The following HDAC9 variants were observed in gnomAD, a reference collection of about 807,000 sequenced individuals.
The protein encoded by HDAC9 is MEF-2 interacting transcription repressor (MITR) protein.
HDAC9 carries 41 observed loss-of-function variants against 139.4 expected under a neutral mutation model. That is an observed-to-expected ratio of 0.29 (90% CI 0.23 to 0.38). The LOEUF is 0.38. Among genes scored for constraint, HDAC9 ranks in the 10% least tolerant of loss-of-function variants. The pLI, the probability that HDAC9 is intolerant of heterozygous loss-of-function variation, is 1.00. For synonymous variants in HDAC9, 517 were observed against 476.2 expected (o/e 1.09, Z -1.12); for missense variants, 1,147 against 1,297.0 (o/e 0.88, Z 1.78).
intron 24 of HDAC9, among the ~76,000 whole-genome samples, chr7:18,972,580 C>T (rs539312046): frequency 6.6e-6 from 1 of 151,900 alleles, no homozygotes; most frequent in Non-Finnish European, 1.5e-5. Flanking sequence ...GGGATTTCAC[C>T]GTGTTGGCCA....
At chr7:18,884,573 G>T (rs1459732876) in intron 22 of HDAC9, among the ~76,000 whole-genome samples, 1 of 152,124 alleles carries the variant, frequency 6.6e-6, no homozygotes, top group East Asian at 1.9e-4. Flanking sequence ...TTATGTGTAA[G>T]ACCTGAAATT....
rs1483739873 is a variant in HDAC9 at position 18,996,031 on chromosome 7, G to T, written c.3179G>T (p.Gly1060Val). Residue 1060 changes from glycine (G) to valine (V), a missense_variant, in exon 26 of 26, where the codon GGT becomes GTT. By Grantham distance (109) the Gly-to-Val change is moderately radical. Coordinates refer to ENST00000686413, the MANE Select transcript of HDAC9 (RefSeq NM_178425.4). ...PFAQEDSRTA[G>V]EPMEEEPAL is the part of the protein sequence containing the mutation. ...CCTGTTTATTTTTACAGAACTGCTGGTGAGCCTATGGAAGAGGAGCCAGCC... is the reference window on the plus strand; with the variant it reads ...CCTGTTTATTTTTACAGAACTGCTGTTGAGCCTATGGAAGAGGAGCCAGCC... The T allele has an allele frequency of 1.1e-5, 18 of 1,603,440 alleles. No homozygotes were observed. The highest frequency in any genetic ancestry group is 1.5e-5 in the Non-Finnish European group (18 of 1,175,026).
chr7:18,198,960 G>A (rs1030323387), intron 2 of HDAC9, among the ~76,000 whole-genome samples: 13 of 151,982 alleles, frequency 8.6e-5, no homozygotes, highest in African/African-American at 2.9e-4. Flanking sequence ...TCACTTTCTG[G>A]TATGCAGGGG....
Position 18,628,554 on chromosome 7 carries a change from A to G in HDAC9, c.665-796A>G, listed in dbSNP as rs564775634. ...TCCAATGTTTCCATTCTTCTAAAGT[A>G]TAATTATTTTGAAATAAGTGGTATT... On this transcript the variant is annotated intron_variant, in intron 6 of 25. Transcript: ENST00000686413. 2.6e-5 allele frequency among the ~76,000 whole-genome samples: 4 copies of G among 152,342 alleles called. No homozygotes were observed. The East Asian group carries it at 7.7e-4, about 29-fold the overall frequency.
intron 12 of HDAC9, among the ~76,000 whole-genome samples, chr7:18,702,204 C>A (rs1053694397): frequency 5.3e-5 from 8 of 152,154 alleles, no homozygotes; most frequent in African/African-American, 1.9e-4. Flanking sequence ...GCTCCTCTCT[C>A]CAATTTCCCT....
At position 18,459,944 on chromosome 7, in the gene HDAC9, C is replaced by CTT. The variant is rs773866817; in HGVS notation, c.-41-36303_-41-36302dup. Among the ~76,000 whole-genome samples the CTT allele has an allele frequency of 4.3e-3, 561 of 129,336 alleles. 6 individuals carry two copies. Among genetic ancestry groups the CTT allele is most frequent in the African/African-American group, 0.014 (481 of 35,346 alleles). 84.8% of individuals were successfully genotyped at this position (129,336 alleles called of 152,430 possible). On this transcript the variant is annotated intron_variant, in intron 1 of 3. Coordinates refer to the HDAC9 transcript ENST00000413509. ...TTGGAAATGTTAGCCTACAGATTTGCTTTTTTTTTTTTTTTTCGAGACAGA... is the reference window on the plus strand; with the variant it reads ...TTGGAAATGTTAGCCTACAGATTTGCTTTTTTTTTTTTTTTTTTCGAGACAGA...
intron 2 of HDAC9, among the ~76,000 whole-genome samples, chr7:18,271,031 C>T (rs1433827985): frequency 6.6e-6 from 1 of 152,070 alleles, no homozygotes; most frequent in Non-Finnish European, 1.5e-5. Context: ...TATTTAGTAA[C>T]TACTATATGG....
At chr7:18,100,474 T>A (rs1334062721) in intron 1 of HDAC9, among the ~76,000 whole-genome samples, 1 of 152,160 alleles carries the variant, frequency 6.6e-6, no homozygotes, top group African/African-American at 2.4e-5. Context: ...GTTTGTTTAT[T>A]TTTATTTTTT....
intron 17 of HDAC9, among the ~76,000 whole-genome samples, chr7:18,823,034 A>G (rs56874064): frequency 0.025 from 3,790 of 152,264 alleles, 156 homozygotes; most frequent in African/African-American, 0.087. Context: ...TTCTGATGGA[A>G]ATAACCCAAT....
intron 17 of HDAC9, among the ~76,000 whole-genome samples, chr7:18,821,282 G>A (rs1794949529): frequency 6.6e-6 from 1 of 152,182 alleles, no homozygotes; most frequent in African/African-American, 2.4e-5. Context: ...ATTTTGGAGG[G>A]AACACATTTA....
At chr7:18,834,576 G>A (rs982430602) in intron 19 of HDAC9, among the ~76,000 whole-genome samples, 5 of 150,016 alleles carry the variant, frequency 3.3e-5, no homozygotes, top group African/African-American at 1.2e-4. Flanking sequence ...AGGGAAAGGA[G>A]AAAAGAGCAG....
intron 1 of HDAC9, among the ~76,000 whole-genome samples, chr7:18,320,619 A>AT (rs1799958279): frequency 6.6e-6 from 1 of 152,136 alleles, no homozygotes; most frequent in South Asian, 2.1e-4. Flanking sequence ...CTGCTGACTC[A>AT]TTTTTTATTC....
chr7:18,135,637 A>AT (rs1235287936), intron 1 of HDAC9, among the ~76,000 whole-genome samples: 3 of 136,172 alleles, frequency 2.2e-5, no homozygotes, highest in African/African-American at 8.9e-5. Flanking sequence ...TGAACTCATC[A>AT]TTTTTTATGG....
intron 12 of HDAC9, among the ~76,000 whole-genome samples, chr7:18,674,649 C>T (rs1429223600): frequency 6.6e-6 from 1 of 151,950 alleles, no homozygotes; most frequent in Non-Finnish European, 1.5e-5. Flanking sequence ...TTTTGTTTTA[C>T]ATTGTTCTTA....
At chr7:18,340,386 T>G (rs922339403) in intron 1 of HDAC9, among the ~76,000 whole-genome samples, 8 of 151,578 alleles carry the variant, frequency 5.3e-5, no homozygotes, top group African/African-American at 1.9e-4. Context: ...TGGTTAGGTT[T>G]AAATCTACTA....
At chr7:18,088,566 C>T (rs940176826) in intron 1 of HDAC9, among the ~76,000 whole-genome samples, 3 of 152,152 alleles carry the variant, frequency 2.0e-5, no homozygotes, top group Admixed American at 6.5e-5. Flanking sequence ...CTTTCTAATC[C>T]TGTAATTAAA....
chr7:18,693,299 T>C (rs989419729), intron 12 of HDAC9, among the ~76,000 whole-genome samples: 1 of 152,098 alleles, frequency 6.6e-6, no homozygotes, highest in African/African-American at 2.4e-5. Flanking sequence ...GTAATAGTTA[T>C]TGAAATTCAG....
chr7:18,278,392 C>T (rs777504995), intron 2 of HDAC9, among the ~76,000 whole-genome samples: 1 of 152,118 alleles, frequency 6.6e-6, no homozygotes, highest in Non-Finnish European at 1.5e-5. Flanking sequence ...AATGGAAGAA[C>T]ATGGTAGAGG....
At chr7:18,277,082 T>TA (rs35515140) in intron 2 of HDAC9, among the ~76,000 whole-genome samples, 51,854 of 151,736 alleles carry the variant, frequency 0.34, 9,775 homozygotes, top group African/African-American at 0.5. Flanking sequence ...GTTACATTGT[T>TA]AAAAAAACAA....
Sources: allele counts gnomAD v4.1 joint callset (sites outside exome capture counted in the v4.1 genomes callset), GRCh38; gene constraint gnomAD v4.1.1; transcripts MANE v1.5; gene names NCBI Gene and HGNC (gene_info 2026-07-23, HGNC 2026-07-21).